DCHS2: variants seen among roughly 807,000 people sequenced by gnomAD.
The protein encoded by DCHS2 is dachsous cadherin-related 2, also known as protocadherin-23.
DCHS2 carries 142 observed loss-of-function variants against 182.4 expected under a neutral mutation model. The observed-to-expected ratio is 0.78, with a 90% CI of 0.68 to 0.89. The LOEUF (loss-of-function observed/expected upper bound fraction) is 0.89, where lower values mean the gene tolerates loss of function less well. DCHS2 is among the 40% of genes least tolerant of loss of function. The pLI is 0.00. For missense variants in DCHS2, 4,319 were observed against 4,198.6 expected (o/e 1.03, Z -0.79); for synonymous variants, 1,740 against 1,663.3 (o/e 1.05, Z -1.12).
chr4:154,363,660 T>G (rs150157812), intron 3 of DCHS2, among the ~76,000 whole-genome samples: 1 of 152,340 alleles, frequency 6.6e-6, no homozygotes, highest in East Asian at 1.9e-4. Flanking sequence ...GTATTAATAA[T>G]AATATGTTCT....
intron 1 of DCHS2, among the ~76,000 whole-genome samples, chr4:154,383,369 C>T (rs1287114271): frequency 1.3e-5 from 2 of 152,126 alleles, no homozygotes; most frequent in Non-Finnish European, 2.9e-5. Context: ...GGTTGCAATG[C>T]TCATTGCCTG....
intron 7 of DCHS2, 121 bp downstream of exon 7, chr4:154,327,972 C>A (rs776495659): frequency 5.5e-5 from 32 of 577,728 alleles, no homozygotes; most frequent in Non-Finnish European, 7.6e-5. Context: ...GGTGCTTTTT[C>A]AAAACTAACT....
chr4:154,486,589 C>T (rs1728597157), intron 1 of DCHS2: 6 of 1,274,306 alleles, frequency 4.7e-6, no homozygotes, highest in Non-Finnish European at 6.2e-6. Flanking sequence ...TATGTAATGT[C>T]ATTAAGCAAA....
rs901659101 is a variant in DCHS2, at chr4:154,489,423, C to T, written c.1933G>A (p.Ala645Thr). The change falls in exon 1 of 20, where the codon GCC becomes ACC. Residue 645 changes from alanine to threonine, a missense_variant. Coordinates refer to ENST00000357232, the MANE Select transcript of DCHS2 (RefSeq NM_001358235.2). ...ACGGTGATGCTCACCAGGCAGGTGGCAGAGAGTGGGGGCTCTCCGAGGTCC... is the reference window on the plus strand; with the variant it reads ...ACGGTGATGCTCACCAGGCAGGTGGTAGAGAGTGGGGGCTCTCCGAGGTCC... ...AQDLGEPPLS[A>T]TCLVSITVDD... 2.6e-5 allele frequency: 40 copies of T among 1,551,636 alleles called. No individual in the cohort carries two copies. Among genetic ancestry groups the T allele is most frequent in the Non-Finnish European group, 3.1e-5 (35 of 1,147,016 alleles).
intron 10 of DCHS2, among the ~76,000 whole-genome samples, chr4:154,307,437 G>A (rs540066362): frequency 9.2e-3 from 297 of 32,390 alleles, no homozygotes; most frequent in Non-Finnish European, 0.034. Context: ...ACAGATGTGC[G>A]CGCGCACACA....
chr4:154,417,190 TGTGTGTGTGTGTGTGAGAGA>T (rs1732874354), intron 1 of DCHS2, among the ~76,000 whole-genome samples: 10 of 109,446 alleles, frequency 9.1e-5, no homozygotes, highest in South Asian at 3.5e-4. Flanking sequence ...TGTGTGTGTG[TGTGTGTGTGTGTGTGAGAGA>T]GAGAGAGAGA....
chr4:154,409,050 C>T (rs901645307), intron 1 of DCHS2, among the ~76,000 whole-genome samples: 2 of 152,178 alleles, frequency 1.3e-5, no homozygotes, highest in Admixed American at 1.3e-4. Context: ...GCCAAGCAGT[C>T]AAGCATCTCA....
chr4:154,391,199 C>T lies in DCHS2; in HGVS notation c.2053-13755G>A, dbSNP rs149172519. On this transcript the variant is annotated intron_variant, in intron 1 of 19. Coordinates refer to ENST00000357232, the MANE Select transcript of DCHS2 (RefSeq NM_001358235.2). The stretch of plus-strand genomic sequence containing the variant: ...TCACAATGGAATTTATTTTCACATA[C>T]ACCTCATATACACAGGCATCAGTAC... The T allele has an allele frequency of 2.3e-3, 3,703 of 1,613,366 alleles. 13 individuals are homozygous for T. Among genetic ancestry groups the T allele is most frequent in the Middle Eastern group, 8.4e-3 (51 of 6,060 alleles).
intron 12 of DCHS2, among the ~76,000 whole-genome samples, chr4:154,301,931 T>G (rs988595238): frequency 6.6e-6 from 1 of 152,240 alleles, no homozygotes; most frequent in African/African-American, 2.4e-5. Context: ...TTATTATTGG[T>G]CAAAATTGGA....
intron 16 of DCHS2, 87 bp downstream of exon 16, chr4:154,255,432 C>T (rs528253907): frequency 1.6e-5 from 24 of 1,475,604 alleles, no homozygotes; most frequent in Middle Eastern, 3.6e-4. Flanking sequence ...AATAAGCTTA[C>T]GTAACAGGAA....
Position 154,235,639 on chromosome 4 carries a change from A to T in DCHS2, c.9013T>A (p.Phe3005Ile), listed in dbSNP as rs1731438724. Reference protein sequence around the residue: ...SISLVVSFLVFLILICILIVM... With the variant: ...SISLVVSFLVILILICILIVM... ...ATTAGAATGCAGATGAGTATCAGAA[A>T]CACTAAAAAGGAGACCACCAGGCTG... Residue 3005 changes from phenylalanine to isoleucine, a missense_variant, in exon 20 of 20, where the codon TTT becomes ATT. Coordinates refer to ENST00000357232, the MANE Select transcript of DCHS2 (RefSeq NM_001358235.2). 6.2e-7 allele frequency: 1 copy of T among 1,613,782 alleles called. No homozygotes were observed. The highest frequency in any genetic ancestry group is 1.1e-5 in the South Asian group (1 of 91,066).
Position 154,490,331 on chromosome 4 carries a change from C to G in DCHS2, c.1025G>C (p.Gly342Ala). Residue 342 changes from glycine (G) to alanine (A), a missense_variant, in exon 1 of 20, where the codon GGG (glycine) becomes GCG (alanine). Coordinates refer to ENST00000357232, the MANE Select transcript of DCHS2 (RefSeq NM_001358235.2). The stretch of plus-strand genomic sequence containing the variant: ...CAGTGCCCCGCCGCCGCTACCCGCC[C>G]CAGGCACTTGCCGGGCGCGGACGCT... ...RYSVRARQVP[G>A]AGSGGGALGD... 1 of 1,543,226 alleles carries G rather than the reference C, an allele frequency of 6.5e-7. No homozygotes were observed. Among genetic ancestry groups the G allele is most frequent in the South Asian group, 1.2e-5 (1 of 83,948 alleles).
intron 1 of DCHS2, among the ~76,000 whole-genome samples, chr4:154,414,606 A>C (rs1342928077): frequency 6.6e-6 from 1 of 151,340 alleles, no homozygotes; most frequent in Non-Finnish European, 1.5e-5. Context: ...TCAAAACACA[A>C]ATTTATCACT....
At chr4:154,459,023 C>A (rs1430800642) in intron 1 of DCHS2, among the ~76,000 whole-genome samples, 1 of 152,184 alleles carries the variant, frequency 6.6e-6, no homozygotes, top group East Asian at 1.9e-4. Context: ...CATCAACTGA[C>A]CCCAAAATAT....
At chr4:154,385,404 T>G (rs1459266606) in intron 1 of DCHS2, among the ~76,000 whole-genome samples, 2 of 152,180 alleles carry the variant, frequency 1.3e-5, no homozygotes, top group African/African-American at 4.8e-5. Context: ...TGTGTCTTTA[T>G]AGCAGCATGT....
intron 17 of DCHS2, among the ~76,000 whole-genome samples, chr4:154,242,319 G>T (rs1248762639): frequency 1.3e-5 from 2 of 152,116 alleles, no homozygotes; most frequent in Non-Finnish European, 2.9e-5. Flanking sequence ...CTTAGAGGAG[G>T]TTCACAATGG....
In DCHS2 at chr4:154,291,000, CA is replaced by C; in HGVS notation, c.6463+6850del. On this transcript the variant is annotated intron_variant, in intron 13 of 19. Transcript: ENST00000357232. ...GGAAAGAATCAGAAAAGTGAAGCGA[CA>C]ACCCACTGAAGGGAGAAAATACTTG... 2.0e-5 allele frequency among the ~76,000 whole-genome samples: 3 copies of C among 152,112 alleles called. No homozygotes were observed. In the South Asian group the frequency reaches 6.2e-4, roughly 32 times the overall value.
intron 1 of DCHS2, chr4:154,486,297 G>A (rs1347032132): frequency 3.5e-6 from 3 of 865,154 alleles, no homozygotes; most frequent in African/African-American, 1.8e-5. Context: ...TCGGAGAGGG[G>A]AGGGTGGCCA....
At chr4:154,368,604 C>T (rs1049184327) in intron 2 of DCHS2, among the ~76,000 whole-genome samples, 2 of 151,968 alleles carry the variant, frequency 1.3e-5, no homozygotes, top group African/African-American at 4.8e-5. Flanking sequence ...GCAACCTGCG[C>T]CTCCCGGGTT....
Sources: allele counts gnomAD v4.1 joint callset (sites outside exome capture counted in the v4.1 genomes callset), GRCh38; gene constraint gnomAD v4.1.1; transcripts MANE v1.5; gene names NCBI Gene and HGNC (gene_info 2026-07-23, HGNC 2026-07-21).